The following MAGI1 variants were observed in gnomAD, a reference collection of about 807,000 sequenced individuals.
MAGI1 encodes membrane associated guanylate kinase, WW and PDZ domain containing 1.
A neutral mutation model predicts 139.9 loss-of-function variants in MAGI1; 58 were observed. The ratio of observed to expected loss-of-function variants is 0.41; its 90% CI spans 0.34 to 0.52. The LOEUF (loss-of-function observed/expected upper bound fraction) is 0.52, where lower values mean the gene tolerates loss of function less well. Ranked by LOEUF, MAGI1 falls within the 20% of genes least tolerant of loss-of-function variation. The probability of loss-of-function intolerance (pLI) is 0.12; values close to 1 mark genes in which losing one functional copy is unlikely to be tolerated. For missense variants in MAGI1, 1,874 were observed against 1,901.6 expected (o/e 0.99, Z 0.27); for synonymous variants, 812 against 737.9 (o/e 1.10, Z -1.63).
intron 1 of MAGI1, among the ~76,000 whole-genome samples, chr3:65,947,302 T>C (rs2063585639): frequency 6.6e-6 from 1 of 152,124 alleles, no homozygotes; most frequent in African/African-American, 2.4e-5. Context: ...TCTATAGTAA[T>C]TCTGGGATTA....
At chr3:65,613,141 G>A (rs931861937) in intron 2 of MAGI1, among the ~76,000 whole-genome samples, 3 of 152,074 alleles carry the variant, frequency 2.0e-5, no homozygotes, top group Non-Finnish European at 4.4e-5. Flanking sequence ...GTTTGAATCT[G>A]AGTTCCATCA....
At chr3:65,829,003 G>A (rs890751750) in intron 1 of MAGI1, among the ~76,000 whole-genome samples, 3 of 152,100 alleles carry the variant, frequency 2.0e-5, no homozygotes, top group Non-Finnish European at 4.4e-5. Flanking sequence ...CAACCACAAT[G>A]AGCTGATTTT....
chr3:66,030,916 G>A (rs1246620148), intron 1 of MAGI1, among the ~76,000 whole-genome samples: 9 of 152,148 alleles, frequency 5.9e-5, no homozygotes, highest in South Asian at 2.1e-4. Context: ...ACATGCCTTC[G>A]GAAAAGTTGA....
intron 1 of MAGI1, among the ~76,000 whole-genome samples, chr3:65,654,389 A>T (rs2085750873): frequency 6.6e-6 from 1 of 152,176 alleles, no homozygotes; most frequent in African/African-American, 2.4e-5. Context: ...TAAGTGTTGC[A>T]GTTGAATATT....
At position 66,031,893 on chromosome 3, in the gene MAGI1, C is replaced by T. The variant is rs372064314; in HGVS notation, c.313+6103G>A. Among the ~76,000 whole-genome samples, 34 of 152,238 alleles carry T rather than the reference C, an allele frequency of 2.2e-4. No individual in the cohort carries two copies. In the East Asian group the frequency reaches 6.2e-3, roughly 28 times the overall value. On this transcript the variant is annotated intron_variant, in intron 1 of 22. Coordinates refer to ENST00000402939, the MANE Select transcript of MAGI1 (RefSeq NM_001033057.2). Reference sequence around the variant, plus strand: ...AACAAAAAAAATCCTCATCATCCTGCCTGCTGAACATCTGAAATTTCACGT... The same window carrying T: ...AACAAAAAAAATCCTCATCATCCTGTCTGCTGAACATCTGAAATTTCACGT...
intron 14 of MAGI1, among the ~76,000 whole-genome samples, chr3:65,389,378 CA>C (rs754532294): frequency 7.2e-5 from 11 of 152,174 alleles, no homozygotes; most frequent in Non-Finnish European, 1.5e-4. Context: ...ACGCCCCCGC[CA>C]GCCCTTCAGA....
chr3:65,515,316 A>G (rs1361114131), intron 2 of MAGI1, among the ~76,000 whole-genome samples: 1 of 152,166 alleles, frequency 6.6e-6, no homozygotes, highest in Non-Finnish European at 1.5e-5. Flanking sequence ...TAAAAAAAAA[A>G]GTTACATTTG....
chr3:65,672,153 C>T (rs2086900416), intron 1 of MAGI1, among the ~76,000 whole-genome samples: 2 of 152,130 alleles, frequency 1.3e-5, no homozygotes, highest in South Asian at 2.1e-4. Context: ...CTCCAAATGA[C>T]ACTGGGGAGT....
intron 1 of MAGI1, among the ~76,000 whole-genome samples, chr3:65,839,146 A>G (rs2058724358): frequency 6.6e-6 from 1 of 152,206 alleles, no homozygotes; most frequent in African/African-American, 2.4e-5. Context: ...CAGACCACAT[A>G]TACAATGGTG....
At position 65,437,206 on chromosome 3, in the gene MAGI1, G is replaced by A; in HGVS notation, c.1312C>T (p.Pro438Ser). ...TCTGGATTGCTTGGAGGGTGGTTTG[G>A]AATAACAGGAGGCACAAGGGCTGAG... Reference protein sequence around the residue: ...DHSALVPPVIPNHPPSNPEPA... With the variant: ...DHSALVPPVISNHPPSNPEPA... The change falls in exon 10 of 23, where the codon CCA becomes TCA. Residue 438 changes from proline to serine, a missense_variant. Pro to Ser is a moderately conservative substitution (Grantham distance 74). This residue lies in a region of MAGI1 where 648 missense variants were observed against 598.1 expected (regional missense o/e 1.08). Coordinates refer to ENST00000402939, the MANE Select transcript of MAGI1 (RefSeq NM_001033057.2). 6.2e-7 allele frequency: 1 copy of A among 1,612,508 alleles called. No individual in the cohort carries two copies. Among genetic ancestry groups the A allele is most frequent in the African/African-American group, 1.3e-5 (1 of 74,942 alleles).
At chr3:65,357,784 G>C (rs1940344244) in intron 22 of MAGI1, among the ~76,000 whole-genome samples, 1 of 152,060 alleles carries the variant, frequency 6.6e-6, no homozygotes, top group Non-Finnish European at 1.5e-5. Flanking sequence ...CAGGGTAGCA[G>C]GCAAAGGGGA....
At chr3:65,631,952 G>A (rs984833992) in intron 1 of MAGI1, among the ~76,000 whole-genome samples, 3 of 151,432 alleles carry the variant, frequency 2.0e-5, no homozygotes, top group Admixed American at 6.6e-5. Context: ...TTGAACCCAG[G>A]AGGCAGAGGT....
chr3:65,608,228 G>C (rs2082854783), intron 2 of MAGI1, among the ~76,000 whole-genome samples: 1 of 152,190 alleles, frequency 6.6e-6, no homozygotes, highest in African/African-American at 2.4e-5. Flanking sequence ...GATCACCTGA[G>C]GTCAGGAGTT....
chr3:65,848,242 T>C (rs1047639258), intron 1 of MAGI1, among the ~76,000 whole-genome samples: 2 of 152,164 alleles, frequency 1.3e-5, no homozygotes, highest in Non-Finnish European at 1.5e-5. Flanking sequence ...TGAAACTTCA[T>C]ATAAAAGAAA....
chr3:65,994,246 C>G (rs892343686), intron 1 of MAGI1, among the ~76,000 whole-genome samples: 1 of 142,678 alleles, frequency 7.0e-6, no homozygotes, highest in Non-Finnish European at 1.5e-5. Flanking sequence ...TGCACTCCAG[C>G]CTGGGCGACA....
rs542815908 is a variant in MAGI1, at chr3:65,569,023, A to T, written c.430+52949T>A. ...ACACAGTACTTTAAATTCTTTTTAAAAATAACTTGCCAAGCAACCCAAGTG... is the reference window on the plus strand; with the variant it reads ...ACACAGTACTTTAAATTCTTTTTAATAATAACTTGCCAAGCAACCCAAGTG... On this transcript the variant is annotated intron_variant, in intron 2 of 22. Coordinates refer to ENST00000402939, the MANE Select transcript of MAGI1 (RefSeq NM_001033057.2). Among the ~76,000 whole-genome samples the T allele has an allele frequency of 7.9e-5, 12 of 152,356 alleles. No individual in the cohort carries two copies. The East Asian group carries it at 2.3e-3, about 29-fold the overall frequency.
rs1264298678 is a variant in MAGI1, at chr3:65,950,059, C to CA, written c.313+87936dup. On this transcript the variant is annotated intron_variant, in intron 1 of 22. Transcript: ENST00000402939. Reference sequence around the variant, plus strand: ...GCCAGATCATCAAAAAAAAAAAAAACAAAAAAACAAAAAAAAAACAAAAAA... The same window carrying CA: ...GCCAGATCATCAAAAAAAAAAAAAACAAAAAAAACAAAAAAAAAACAAAAAA... 2.1e-3 allele frequency among the ~76,000 whole-genome samples: 28 copies of CA among 13,454 alleles called. 1 individual carries two copies. Among genetic ancestry groups the CA allele is most frequent in the African/African-American group, 9.9e-3 (23 of 2,326 alleles). The allele number at this position is 13,454 out of a possible 152,430, so 8.8% of individuals were successfully genotyped here.
chr3:65,552,814 A>G (rs1370691135), intron 2 of MAGI1, among the ~76,000 whole-genome samples: 1 of 152,240 alleles, frequency 6.6e-6, no homozygotes, highest in Non-Finnish European at 1.5e-5. Flanking sequence ...GACATGACAT[A>G]TGAACCTTCA....
chr3:65,365,233 T>G (rs373827298), intron 18 of MAGI1: 1 of 599,770 alleles, frequency 1.7e-6, no homozygotes, highest in South Asian at 1.4e-5. Context: ...AGCCAAGGTA[T>G]ATGTTTCTCA....
Sources: gnomAD v4.1 joint callset for allele counts (sites outside exome capture counted in the v4.1 genomes callset) on GRCh38, gnomAD v4.1.1 for gene constraint, gnomAD v4.1.1 regional missense constraint, MANE v1.5 for transcripts, NCBI Gene and HGNC (gene_info 2026-07-23, HGNC 2026-07-21) for gene names.